The following PHKG1 variants were observed in gnomAD, a reference collection of about 807,000 sequenced individuals.
PHKG1 encodes phosphorylase kinase catalytic subunit gamma 1.
PHKG1 carries 48 observed loss-of-function variants against 50.5 expected under a neutral mutation model. That is an observed-to-expected ratio of 0.95 (90% confidence interval 0.75 to 1.21). The LOEUF (loss-of-function observed/expected upper bound fraction) is 1.21, where lower values mean the gene tolerates loss of function less well. Among genes scored for constraint, PHKG1 ranks in the 50% most tolerant of loss-of-function variants. The pLI, the probability that PHKG1 is intolerant of heterozygous loss-of-function variation, is 0.00. For missense variants in PHKG1, 487 were observed against 519.5 expected (o/e 0.94, Z 0.61); for synonymous variants, 204 against 212.8 (o/e 0.96, Z 0.36).
chr7:56,090,386 G>A (rs1796451511), intron 1 of PHKG1, among the ~76,000 whole-genome samples: 1 of 152,086 alleles, frequency 6.6e-6, no homozygotes, highest in African/African-American at 2.4e-5. Context: ...AAAGTGCTGG[G>A]ATTACAGGCA....
chr7:56,092,543 G>C (rs1796526994), intron 1 of PHKG1, among the ~76,000 whole-genome samples: 1 of 152,188 alleles, frequency 6.6e-6, no homozygotes, highest in Non-Finnish European at 1.5e-5. Flanking sequence ...AAAGTGCTGG[G>C]ATTATAGGCA....
chr7:56,091,228 C>T (rs527425481), intron 1 of PHKG1, among the ~76,000 whole-genome samples: 434 of 150,208 alleles, frequency 2.9e-3, no homozygotes, highest in Non-Finnish European at 5.0e-3. Flanking sequence ...AAAAATAAGA[C>T]AAAACAGGCT....
intron 3 of PHKG1, 78 bp downstream of exon 3, chr7:56,087,520 G>T (rs1213124742): frequency 2.1e-6 from 3 of 1,427,764 alleles, no homozygotes; most frequent in African/African-American, 2.8e-5. Flanking sequence ...GTGCGGTGGG[G>T]CCACACTCCC....
At chr7:56,083,955 T>G (rs1372045333) in intron 4 of PHKG1, among the ~76,000 whole-genome samples, 1 of 152,084 alleles carries the variant, frequency 6.6e-6, no homozygotes, top group Non-Finnish European at 1.5e-5. Context: ...TCATCAACCC[T>G]CCGAGGAATA....
intron 6 of PHKG1, among the ~76,000 whole-genome samples, chr7:56,082,899 A>G (rs1796078443): frequency 6.6e-6 from 1 of 152,128 alleles, no homozygotes; most frequent in Non-Finnish European, 1.5e-5. Context: ...TAAGGTCAGG[A>G]GTTCGAGACC....
At position 56,081,199 on chromosome 7, in the gene PHKG1, A is replaced by C; in HGVS notation, c.1019T>G (p.Leu340Arg). The change falls in exon 10 of 10, where the codon CTC (leucine) becomes CGC (arginine). Residue 340 changes from leucine (L) to arginine (R), a missense_variant. By Grantham distance (102) the Leu-to-Arg change is moderately radical. Coordinates refer to ENST00000297373, the MANE Select transcript of PHKG1 (RefSeq NM_006213.5). The surrounding 1 kb of genome is among the most constrained non-coding windows in gnomAD (Gnocchi z 4.6). ...REIVIRDPYA[L>R]RPLRRLIDAY... ...GTCGATGAGCCGGCGCAGAGGCCGGAGGGCATAGGGGTCTCGGATGACGAT... is the reference window on the plus strand; with the variant it reads ...GTCGATGAGCCGGCGCAGAGGCCGGCGGGCATAGGGGTCTCGGATGACGAT... 2 of 1,613,902 alleles carry C rather than the reference A, an allele frequency of 1.2e-6. No homozygotes were observed. The highest frequency in any genetic ancestry group is 1.7e-6 in the Non-Finnish European group (2 of 1,179,952).
chr7:56,085,272 T>G (rs918661819), intron 4 of PHKG1, among the ~76,000 whole-genome samples: 1 of 151,632 alleles, frequency 6.6e-6, no homozygotes, highest in Non-Finnish European at 1.5e-5. Flanking sequence ...TAATTTTATA[T>G]TTTTTTGTAG....
At chr7:56,084,299 G>T in intron 4 of PHKG1, 1 of 1,016,540 alleles carries the variant, frequency 9.8e-7, no homozygotes, top group Non-Finnish European at 1.5e-6. Flanking sequence ...GATGGCTGGA[G>T]GCTGAAAGAG....
At chr7:56,090,009 C>T (rs1009558560) in intron 1 of PHKG1, among the ~76,000 whole-genome samples, 3 of 152,136 alleles carry the variant, frequency 2.0e-5, no homozygotes, top group Non-Finnish European at 4.4e-5. Context: ...CTCCTTATCT[C>T]CCCTTGTTGT....
rs1795991906 is a variant in PHKG1 at position 56,081,544 on chromosome 7, A to G, written c.918+86T>C. The G allele has an allele frequency of 6.7e-7, 1 of 1,485,202 alleles. No homozygotes were observed. Among genetic ancestry groups the G allele is most frequent in the East Asian group, 2.3e-5 (1 of 43,914 alleles). 92.0% of individuals were successfully genotyped at this position (1,485,202 alleles called of 1,614,324 possible). On this transcript the variant is annotated intron_variant, in intron 9 of 9. Transcript: ENST00000297373. The surrounding 1 kb of genome is among the most constrained non-coding windows in gnomAD (Gnocchi z 4.6). ...GGAGGGATGGGTACTCTGGAAATTC[A>G]CGGGGTGTAAGGACTCCTGGGAGAG...
chr7:56,087,847 A>C, intron 2 of PHKG1, 71 bp from the exon 3 acceptor site: 3 of 1,235,596 alleles, frequency 2.4e-6, no homozygotes, highest in Non-Finnish European at 3.5e-6. Flanking sequence ...TAGAGGCTGC[A>C]GCAGAGATGT....
At chr7:56,084,386 T>C in intron 4 of PHKG1, 1 of 574,716 alleles carries the variant, frequency 1.7e-6, no homozygotes, top group Non-Finnish European at 3.1e-6. Context: ...TTTTTTTTTT[T>C]TTTTTGAGAT....
rs373782986 is a variant in PHKG1, at chr7:56,081,252, G to A, written c.966C>T (p.Tyr322=). The A allele has an allele frequency of 6.8e-6, 11 of 1,612,950 alleles. No individual in the cohort carries two copies. In the African/African-American group the frequency reaches 9.3e-5, roughly 14 times the overall value. Residue 322 remains tyrosine (Y), a synonymous_variant, in exon 10 of 10, where the codon TAC becomes TAT. Transcript: ENST00000297373. This position sits in a 1 kb window ranked among gnomAD's most constrained non-coding sequence, Gnocchi z 4.6. ...CCCGGGTCACAGGCTTCACCCGGCG[G>A]TACTGGTAGTAGATCCGCACTGAAG... The part of the protein sequence containing the change: ...VLASVRIYYQ[Y]RRVKPVTREI...
Position 56,081,651 on chromosome 7 carries a change from G to A in PHKG1, c.897C>T (p.Phe299=), listed in dbSNP as rs1325975471. The A allele has an allele frequency of 1.2e-6, 2 of 1,613,780 alleles. No individual in the cohort carries two copies. Among genetic ancestry groups the A allele is most frequent in the Non-Finnish European group, 1.7e-6 (2 of 1,179,990 alleles). The change falls in exon 9 of 10, where the codon TTC becomes TTT. Residue 299 remains phenylalanine (F), a synonymous_variant. Transcript: ENST00000297373. This position sits in a 1 kb window ranked among gnomAD's most constrained non-coding sequence, Gnocchi z 4.6. The part of the protein sequence containing the change: ...QQYLVEEVRH[F]SPRGKFKVIA... Reference sequence around the variant, plus strand: ...GTACCTTGAACTTCCCCCGGGGGCTGAAGTGCCGCACTTCCTCCACCAAGT... The same window carrying A: ...GTACCTTGAACTTCCCCCGGGGGCTAAAGTGCCGCACTTCCTCCACCAAGT...
intron 1 of PHKG1, among the ~76,000 whole-genome samples, chr7:56,090,626 C>G (rs905159544): frequency 1.3e-5 from 2 of 152,172 alleles, no homozygotes; most frequent in Admixed American, 1.3e-4. Flanking sequence ...AGATTATCAT[C>G]TCTAGGATGT....
chr7:56,091,667 G>T (rs868125603), intron 1 of PHKG1, among the ~76,000 whole-genome samples: 1 of 152,322 alleles, frequency 6.6e-6, no homozygotes, highest in Middle Eastern at 3.4e-3. Context: ...ACTGCTTCTG[G>T]GCCTAAGAAG....
intron 1 of PHKG1, among the ~76,000 whole-genome samples, chr7:56,090,728 GC>G (rs1437174914): frequency 6.6e-6 from 1 of 152,134 alleles, no homozygotes; most frequent in African/African-American, 2.4e-5. Flanking sequence ...TACCCCTTTG[GC>G]TCAGGGTCCT....
At position 56,088,985 on chromosome 7, in the gene PHKG1, G is replaced by A. The variant is rs746421578; in HGVS notation, c.-34-10C>T. ...GGAACTCTGGGTGGCTCTGAGAGGG[G>A]AAAAGAAAGAAGCTGTCAGCCTTCC... On this transcript the variant is annotated splice_polypyrimidine_tract_variant and intron_variant, in intron 1 of 9. Transcript: ENST00000297373. 3 of 1,356,624 alleles carry A rather than the reference G, an allele frequency of 2.2e-6. No individual in the cohort carries two copies. Among genetic ancestry groups the A allele is most frequent in the Admixed American group, 1.7e-5 (1 of 57,396 alleles). 84.0% of individuals were successfully genotyped at this position (1,356,624 alleles called of 1,614,324 possible).
At chr7:56,090,549 G>A (rs1796458171) in intron 1 of PHKG1, among the ~76,000 whole-genome samples, 1 of 135,504 alleles carries the variant, frequency 7.4e-6, no homozygotes, top group Non-Finnish European at 1.6e-5. Flanking sequence ...GGGATGGAGA[G>A]CTGGGTGGGT....
Sources: allele counts gnomAD v4.1 joint callset (sites outside exome capture counted in the v4.1 genomes callset), GRCh38; gene constraint gnomAD v4.1.1; non-coding constraint Gnocchi (gnomAD v3.1); transcripts MANE v1.5; gene names NCBI Gene and HGNC (gene_info 2026-07-23, HGNC 2026-07-21).